COL28A1: variants seen among roughly 807,000 people sequenced by gnomAD.
The protein encoded by COL28A1 is collagen alpha-1(XXVIII) chain.
In COL28A1, 161 loss-of-function variants were observed where a neutral mutation model predicts 150.2. The ratio of observed to expected loss-of-function variants is 1.07; its 90% confidence interval spans 0.94 to 1.22. The LOEUF (loss-of-function observed/expected upper bound fraction) is 1.22, where lower values mean the gene tolerates loss of function less well. Ranked by LOEUF, COL28A1 falls within the 50% of genes most tolerant of loss-of-function variation. The probability of loss-of-function intolerance (pLI) is 0.00; values close to 1 mark genes in which losing one functional copy is unlikely to be tolerated. For synonymous variants in COL28A1, 552 were observed against 469.7 expected, an observed-to-expected ratio of 1.18 and a Z score of -2.26; for missense variants, 1,617 against 1,388.3, an observed-to-expected ratio of 1.16 and a Z score of -2.62.
At chr7:7,490,470 C>T in intron 12 of COL28A1, 108 bp downstream of exon 12, 3 of 538,834 alleles carry the variant, frequency 5.6e-6, no homozygotes, top group South Asian at 3.6e-5. Context: ...TTCAGGAAGC[C>T]TCCTTGTGTC....
intron 27 of COL28A1, among the ~76,000 whole-genome samples, chr7:7,389,380 T>C (rs1219957591): frequency 1.3e-5 from 2 of 152,234 alleles, no homozygotes; most frequent in Non-Finnish European, 2.9e-5. Context: ...ACCAATACCA[T>C]GCTGTTTGGG....
chr7:7,521,312 T>C (rs1781712036), intron 5 of COL28A1, among the ~76,000 whole-genome samples: 1 of 152,212 alleles, frequency 6.6e-6, no homozygotes, highest in Non-Finnish European at 1.5e-5. Context: ...TAGGCCAGAA[T>C]ATAAAGAAAG....
Position 7,452,248 on chromosome 7 carries a change from T to C in COL28A1, c.1509+71A>G, listed in dbSNP as rs147180572. The C allele has an allele frequency of 2.6e-4, 403 of 1,565,192 alleles. No individual in the cohort carries two copies. The African/African-American group carries it at 4.7e-3, about 18-fold the overall frequency. Reference sequence around the variant, plus strand: ...AACACACACAGAGTCTGTAAGGCAATTGGATATAAAGGAAACCTTATATAA... The same window carrying C: ...AACACACACAGAGTCTGTAAGGCAACTGGATATAAAGGAAACCTTATATAA... On this transcript the variant is annotated intron_variant, in intron 18 of 34. Transcript: ENST00000399429.
In COL28A1 at chr7:7,505,401, G is replaced by A. The variant is rs575438852; in HGVS notation, c.1026+613C>T. Among the ~76,000 whole-genome samples the A allele has an allele frequency of 2.0e-5, 3 of 152,254 alleles. No homozygotes were observed. The South Asian group carries it at 6.2e-4, about 32-fold the overall frequency. On this transcript the variant is annotated intron_variant, in intron 11 of 34. Transcript: ENST00000399429. Reference sequence around the variant, plus strand: ...AAAAGGAACTAAACAGCTTGTTTTAGCAAATTAATGGTCACTCTCATTGGA... The same window carrying A: ...AAAAGGAACTAAACAGCTTGTTTTAACAAATTAATGGTCACTCTCATTGGA...
intron 15 of COL28A1, among the ~76,000 whole-genome samples, chr7:7,471,712 T>C (rs1052045079): frequency 2.0e-5 from 3 of 152,086 alleles, no homozygotes; most frequent in African/African-American, 7.2e-5. Context: ...CTGGTCAACA[T>C]GATGAAACCC....
chr7:7,394,826 A>T (rs1053400805), intron 27 of COL28A1, among the ~76,000 whole-genome samples: 6 of 152,234 alleles, frequency 3.9e-5, no homozygotes, highest in African/African-American at 1.4e-4. Context: ...CTCATAGGTA[A>T]TAATAGAGGT....
intron 15 of COL28A1, among the ~76,000 whole-genome samples, chr7:7,465,236 C>A (rs1042025842): frequency 6.7e-6 from 1 of 149,740 alleles, no homozygotes; most frequent in Non-Finnish European, 1.5e-5. Context: ...TGGGCGCCGG[C>A]CAGTGTGTGT....
chr7:7,440,229 G>C (rs970764643), intron 21 of COL28A1, among the ~76,000 whole-genome samples: 3 of 152,218 alleles, frequency 2.0e-5, no homozygotes, highest in Admixed American at 6.5e-5. Flanking sequence ...TTTTTTCTCT[G>C]AATAATTCGA....
At position 7,521,957 on chromosome 7, in the gene COL28A1, T is replaced by A; in HGVS notation, c.707A>T (p.Glu236Val). Residue 236 changes from glutamate to valine, a missense_variant, in exon 5 of 35, where the codon GAA (glutamate) becomes GTA (valine). Coordinates refer to ENST00000399429, the MANE Select transcript of COL28A1 (RefSeq NM_001037763.3). Reference sequence around the variant, plus strand: ...CTTCTCACATTCACAAATCTTGCGTTCACACTGAATCAATAATGAAATATG... The same window carrying A: ...CTTCTCACATTCACAAATCTTGCGTACACACTGAATCAATAATGAAATATG... ...RLDILFEKKCERKICECEKGD... is the reference protein window; with the variant it reads ...RLDILFEKKCVRKICECEKGD... 9.6e-7 allele frequency: 1 copy of A among 1,044,174 alleles called. No individual in the cohort carries two copies. The highest frequency in any genetic ancestry group is 1.5e-6 in the Non-Finnish European group (1 of 658,496). 64.7% of individuals were successfully genotyped at this position (1,044,174 alleles called of 1,614,324 possible).
intron 27 of COL28A1, among the ~76,000 whole-genome samples, chr7:7,404,135 G>A (rs1783371066): frequency 6.6e-6 from 1 of 151,972 alleles, no homozygotes; most frequent in Non-Finnish European, 1.5e-5. Context: ...AATGAACACT[G>A]GGCCCATGTG....
chr7:7,348,242 G>C, the COL28A1 span, among the ~76,000 whole-genome samples: 2 of 152,010 alleles, frequency 1.3e-5, no homozygotes, highest in African/African-American at 4.8e-5. Context: ...AGTATCATTG[G>C]AGCGATTCTA....
Position 7,400,975 on chromosome 7 carries a change from GGTGTGTGTGTGTGT to G in COL28A1, c.2136+16870_2136+16883del, listed in dbSNP as rs60064708. 2.5e-3 allele frequency among the ~76,000 whole-genome samples: 303 copies of G among 119,122 alleles called. 2 individuals are homozygous for G. Among genetic ancestry groups the G allele is most frequent in the African/African-American group, 7.5e-3 (223 of 29,750 alleles). The allele number at this position is 119,122 out of a possible 152,430, so 78.1% of individuals were successfully genotyped here. ...GTCCCATAGGACGTGTGGGTATTTG[GGTGTGTGTGTGTGT>G]GTGTGTGTGTGTGTGTGTGTGTGTG... On this transcript the variant is annotated intron_variant, in intron 27 of 34. Coordinates refer to ENST00000399429, the MANE Select transcript of COL28A1 (RefSeq NM_001037763.3).
intron 2 of COL28A1, among the ~76,000 whole-genome samples, 159 bp downstream of exon 2, chr7:7,532,593 G>C (rs1324968035): frequency 6.6e-6 from 1 of 152,008 alleles, no homozygotes; most frequent in East Asian, 1.9e-4. Flanking sequence ...TGTGCTATAA[G>C]TATGTAAGGT....
chr7:7,538,685 C>T (rs1583599755), upstream of COL28A1, among the ~76,000 whole-genome samples: 1 of 151,978 alleles, frequency 6.6e-6, no homozygotes, highest in Non-Finnish European at 1.5e-5. Context: ...GACAAGTCTG[C>T]TAGGACTTAC....
At chr7:7,410,096 G>A (rs1294602) in intron 27 of COL28A1, among the ~76,000 whole-genome samples, 22,304 of 152,086 alleles carry the variant, frequency 0.15, 1,804 homozygotes, top group Middle Eastern at 0.22. Flanking sequence ...GGTCCAGGAG[G>A]AAAATGAAAG....
chr7:7,517,725 C>A, intron 7 of COL28A1, 71 bp downstream of exon 7: 1 of 1,609,682 alleles, frequency 6.2e-7, no homozygotes, highest in South Asian at 1.1e-5. Context: ...CTAAGGGGGT[C>A]AAAATGGTCA....
intron 11 of COL28A1, among the ~76,000 whole-genome samples, chr7:7,499,163 C>A (rs1780382689): frequency 6.6e-6 from 1 of 152,222 alleles, no homozygotes; most frequent in South Asian, 2.1e-4. Context: ...ACTAATGATT[C>A]TTTCCCTTTA....
chr7:7,503,442 A>G (rs1780643457), intron 11 of COL28A1, among the ~76,000 whole-genome samples: 1 of 152,258 alleles, frequency 6.6e-6, no homozygotes, highest in African/African-American at 2.4e-5. Flanking sequence ...TGCCCATTAG[A>G]GAATACAGAA....
chr7:7,446,782 C>A (rs187194750), intron 18 of COL28A1, among the ~76,000 whole-genome samples: 3 of 152,134 alleles, frequency 2.0e-5, no homozygotes, highest in Admixed American at 2.0e-4. Context: ...ATTGAGAAAC[C>A]AGGGCAAGTT....
Sources: allele counts gnomAD v4.1 joint callset (sites outside exome capture counted in the v4.1 genomes callset), GRCh38; gene constraint gnomAD v4.1.1; transcripts MANE v1.5; gene names NCBI Gene and HGNC (gene_info 2026-07-23, HGNC 2026-07-21).